Variants in WASHC5 observed in about 807,000 individuals in gnomAD.
WASHC5 encodes the protein WASH complex subunit strumpellin.
WASHC5 carries 101 observed loss-of-function variants against 150.4 expected under a neutral mutation model. That is an observed-to-expected ratio of 0.67 (90% CI 0.57 to 0.79). The LOEUF is 0.79. Ranked by LOEUF, WASHC5 falls within the 30% of genes least tolerant of loss-of-function variation. WASHC5 has a pLI of 0.00. For synonymous variants in WASHC5, 467 were observed against 491.2 expected (o/e 0.95, Z 0.65); for missense variants, 1,195 against 1,396.3 (o/e 0.86, Z 2.30).
At position 125,044,621 on chromosome 8, in the gene WASHC5, A is replaced by G. The variant is rs772310931; in HGVS notation, c.2582T>C (p.Phe861Ser). 6.2e-7 allele frequency: 1 copy of G among 1,614,160 alleles called. No homozygotes were observed. The highest frequency in any genetic ancestry group is 1.7e-5 in the Admixed American group (1 of 60,016). The stretch of plus-strand genomic sequence containing the variant: ...TCCCAAGGTGGTCTGGATTTCTGAG[A>G]AGAGGCGGCTGCTGGTCACTTCCTG... ...THQEVTSSRL[F>S]SEIQTTLGTF... The change falls in exon 21 of 29, where the codon TTC becomes TCC. Residue 861 changes from phenylalanine to serine, a missense_variant. Phe to Ser is a radical substitution (Grantham distance 155). Coordinates refer to ENST00000318410, the MANE Select transcript of WASHC5 (RefSeq NM_014846.4).
chr8:125,049,567 A>C (rs958745601), intron 18 of WASHC5, among the ~76,000 whole-genome samples: 2 of 136,800 alleles, frequency 1.5e-5, no homozygotes, highest in Non-Finnish European at 3.2e-5. Flanking sequence ...AAAAAAATAA[A>C]AAATAAGCCA....
Position 125,032,229 on chromosome 8 carries a change from G to C in WASHC5, c.3335+12C>G, listed in dbSNP as rs762201880. The C allele has an allele frequency of 2.5e-6, 4 of 1,613,996 alleles. No homozygotes were observed. Among genetic ancestry groups the C allele is most frequent in the Non-Finnish European group, 3.4e-6 (4 of 1,179,876 alleles). ...CAAGAAGTCCCACGTAGTCCTGGTT[G>C]GTCTTCTGTACCTTGTACACTGCTC... On this transcript the variant is annotated intron_variant, in intron 27 of 28. Transcript: ENST00000318410.
chr8:125,050,577 T>C lies in WASHC5; in HGVS notation c.2186A>G (p.Asn729Ser), dbSNP rs573316770. 5.0e-6 allele frequency: 8 copies of C among 1,613,772 alleles called. No homozygotes were observed. The highest frequency in any genetic ancestry group is 1.7e-4 in the Middle Eastern group (1 of 6,060). Residue 729 changes from asparagine to serine, a missense_variant, in exon 18 of 29, where the codon AAC (asparagine) becomes AGC (serine). Asn to Ser is a conservative substitution (Grantham distance 46). Transcript: ENST00000318410. ...AFALHRGLIF[N>S]PRAKPSELMP... The stretch of plus-strand genomic sequence containing the variant: ...GTCACTGGGTACCTTGGCTCGAGGG[T>C]TGAATATCAGTCCCCTATGCAGGGC...
chr8:125,036,410 G>A (rs779871808), intron 26 of WASHC5, among the ~76,000 whole-genome samples: 1 of 152,176 alleles, frequency 6.6e-6, no homozygotes, highest in South Asian at 2.1e-4. Flanking sequence ...AATGGCTCAC[G>A]CCTGTAATCT....
rs745362878 is a variant in WASHC5, at chr8:125,083,263, G to GA, written c.187-6dup. 1.7e-3 allele frequency: 2,590 copies of GA among 1,545,848 alleles called. No homozygotes were observed. Among genetic ancestry groups the GA allele is most frequent in the Non-Finnish European group, 2.0e-3 (2,225 of 1,133,434 alleles). On this transcript the variant is annotated splice_polypyrimidine_tract_variant and splice_region_variant and intron_variant, in intron 2 of 28. Transcript: ENST00000318410. The stretch of plus-strand genomic sequence containing the variant: ...GCTTTCCCATAATTCTGGACCCTGA[G>GA]AAAAAAAAACACATGTGAAATGTCA...
chr8:125,040,006 C>T (rs761870918), intron 23 of WASHC5, 108 bp from the exon 24 acceptor site: 1 of 736,416 alleles, frequency 1.4e-6, no homozygotes, highest in Non-Finnish European at 2.4e-6. Flanking sequence ...TCACATCACT[C>T]TACAGGAAAA....
intron 1 of WASHC5, among the ~76,000 whole-genome samples, chr8:125,087,664 T>C (rs998032387): frequency 2.0e-5 from 3 of 150,416 alleles, no homozygotes; most frequent in Non-Finnish European, 4.4e-5. Context: ...GCCCTGGAGG[T>C]TGAGGCTGCA....
In WASHC5 at chr8:125,063,630, C is replaced by T; in HGVS notation, c.1300G>A (p.Glu434Lys). The change falls in exon 11 of 29, where the codon GAA becomes AAA. Residue 434 changes from glutamate (E) to lysine (K), a missense_variant. Transcript: ENST00000318410. ...TAATGCTCCCATTTGGTTTGCTTTT[C>T]TGAAAGCATTTGCTTGAACATCTGT... The part of the protein sequence containing the change: ...LKEMFKQMLS[E>K]KQTKWEHYKK... The T allele has an allele frequency of 6.2e-7, 1 of 1,613,820 alleles. No individual in the cohort carries two copies. The highest frequency in any genetic ancestry group is 8.5e-7 in the Non-Finnish European group (1 of 1,179,766).
At chr8:125,047,902 C>T (rs935182587) in intron 19 of WASHC5, among the ~76,000 whole-genome samples, 8 of 151,836 alleles carry the variant, frequency 5.3e-5, no homozygotes, top group African/African-American at 7.3e-5. Flanking sequence ...GCTGGAGTGC[C>T]GTGGTGTGAT....
In WASHC5 at chr8:125,038,935, G is replaced by T; in HGVS notation, c.2979C>A (p.Ala993=). ...AAGGAAGTGAAGGGTCCTGATAGTGGGCTTCAATGTCTGCTAGGAGAGCCC... is the reference window on the plus strand; with the variant it reads ...AAGGAAGTGAAGGGTCCTGATAGTGTGCTTCAATGTCTGCTAGGAGAGCCC... ...LNKALLADIE[A]HYQDPSLPYP... The change falls in exon 25 of 29, where the codon GCC becomes GCA. Residue 993 remains alanine, a synonymous_variant. Transcript: ENST00000318410. 1.2e-6 allele frequency: 2 copies of T among 1,613,902 alleles called. No individual in the cohort carries two copies. The highest frequency in any genetic ancestry group is 1.7e-6 in the Non-Finnish European group (2 of 1,179,800).
At chr8:125,090,362 TAA>T (rs1817568358) in intron 1 of WASHC5, among the ~76,000 whole-genome samples, 1 of 152,198 alleles carries the variant, frequency 6.6e-6, no homozygotes, top group Non-Finnish European at 1.5e-5. Flanking sequence ...AAGACTCAGC[TAA>T]GTCTTAAAAA....
chr8:125,077,298 T>C (rs1350983246), intron 6 of WASHC5, among the ~76,000 whole-genome samples: 1 of 152,238 alleles, frequency 6.6e-6, no homozygotes. Context: ...CTTTCTCCCC[T>C]TGATGTGTTG....
rs1053648835 is a variant in WASHC5, at chr8:125,048,905, A to G, written c.2379+101T>C. ...AAAGTACTCTGAAGGTACTGAGACTATCTAGTAAACTTTCTTGTTGACATT... is the reference window on the plus strand; with the variant it reads ...AAAGTACTCTGAAGGTACTGAGACTGTCTAGTAAACTTTCTTGTTGACATT... On this transcript the variant is annotated intron_variant, in intron 19 of 28. Coordinates refer to ENST00000318410, the MANE Select transcript of WASHC5 (RefSeq NM_014846.4). 8.5e-6 allele frequency: 8 copies of G among 945,442 alleles called. No individual in the cohort carries two copies. The African/African-American group carries it at 1.2e-4, about 14-fold the overall frequency. 58.6% of individuals were successfully genotyped at this position (945,442 alleles called of 1,614,324 possible).
intron 10 of WASHC5, among the ~76,000 whole-genome samples, chr8:125,065,083 C>T (rs966004044): frequency 6.6e-6 from 1 of 152,202 alleles, no homozygotes; most frequent in African/African-American, 2.4e-5. Context: ...CACATGAACT[C>T]ACAGGTTTCA....
intron 23 of WASHC5, among the ~76,000 whole-genome samples, chr8:125,042,526 C>T (rs1586344088): frequency 6.6e-6 from 1 of 152,238 alleles, no homozygotes; most frequent in Non-Finnish European, 1.5e-5. Context: ...GTCACAGTCA[C>T]GTGGCTGTTA....
chr8:125,039,647 CAG>C, intron 24 of WASHC5, 146 bp downstream of exon 24: 1 of 681,460 alleles, frequency 1.5e-6, no homozygotes, highest in Non-Finnish European at 2.7e-6. Context: ...GCTCCGAAGA[CAG>C]ATTTGATTAT....
rs1586352654 is a variant in WASHC5 at position 125,050,464 on chromosome 8, A to G, written c.2199+100T>C. The G allele has an allele frequency of 9.5e-6, 7 of 740,578 alleles. 1 individual carries two copies. In the Admixed American group the frequency reaches 1.4e-4, roughly 15 times the overall value. The allele number at this position is 740,578 out of a possible 1,614,324, so 45.9% of individuals were successfully genotyped here. A position where few individuals can be genotyped will look rare whatever the true frequency, so the allele number is the denominator to read the frequency against. On this transcript the variant is annotated intron_variant, in intron 18 of 28. Transcript: ENST00000318410. ...ATCACATATTTGATATACGTTAGCT[A>G]GGAGGTAAGGTCTTGTTCGCGATAG...
At chr8:125,076,237 T>C in intron 7 of WASHC5, 111 bp downstream of exon 7, 1 of 953,806 alleles carries the variant, frequency 1.0e-6, no homozygotes. Context: ...ACCTAAGTGA[T>C]GTTATGTCCC....
At chr8:125,057,751 A>C in intron 14 of WASHC5, 85 bp from the exon 15 acceptor site, 1 of 881,732 alleles carries the variant, frequency 1.1e-6, no homozygotes, top group Non-Finnish European at 1.8e-6. Flanking sequence ...ACATACAACA[A>C]AACATTTGGG....
Sources: gnomAD v4.1 joint callset for allele counts (sites outside exome capture counted in the v4.1 genomes callset) on GRCh38, gnomAD v4.1.1 for gene constraint, MANE v1.5 for transcripts, NCBI Gene and HGNC (gene_info 2026-07-23, HGNC 2026-07-21) for gene names.